The following NELL1 variants were observed in gnomAD, a reference collection of about 807,000 sequenced individuals.
The protein encoded by NELL1 is neural EGFL like 1.
In NELL1, 76 loss-of-function variants were observed where a neutral mutation model predicts 107.4. The ratio of observed to expected loss-of-function variants is 0.71; its 90% CI spans 0.59 to 0.86. NELL1 has a LOEUF of 0.86. Among genes scored for constraint, NELL1 ranks in the 40% least tolerant of loss-of-function variants. NELL1 has a pLI of 0.00. For missense variants in NELL1, 1,024 were observed against 1,005.5 expected (o/e 1.02, Z -0.25); for synonymous variants, 353 against 341.2 (o/e 1.03, Z -0.38).
At chr11:20,804,948 C>G (rs1049904392) in intron 3 of NELL1, among the ~76,000 whole-genome samples, 2 of 152,162 alleles carry the variant, frequency 1.3e-5, no homozygotes, top group Non-Finnish European at 2.9e-5. Flanking sequence ...CTTTACACAT[C>G]TGGGTGTTCC....
chr11:20,843,961 C>T (rs1265529768), intron 3 of NELL1, among the ~76,000 whole-genome samples: 1 of 152,084 alleles, frequency 6.6e-6, no homozygotes, highest in Non-Finnish European at 1.5e-5. Context: ...AAGGCCTGGG[C>T]TTACAGAATT....
intron 2 of NELL1, among the ~76,000 whole-genome samples, chr11:20,700,258 A>C (rs1339278736): frequency 6.6e-6 from 1 of 152,172 alleles, no homozygotes; most frequent in African/African-American, 2.4e-5. Context: ...AGGCAGGTGG[A>C]TCATGAGGTC....
At chr11:20,713,137 G>A (rs937053350) in intron 2 of NELL1, among the ~76,000 whole-genome samples, 2 of 152,226 alleles carry the variant, frequency 1.3e-5, no homozygotes, top group African/African-American at 4.8e-5. Context: ...AGCATCAGCT[G>A]TGGTAGTAGG....
chr11:20,818,125 T>C (rs1244948102), intron 3 of NELL1, among the ~76,000 whole-genome samples: 2 of 152,170 alleles, frequency 1.3e-5, no homozygotes, highest in African/African-American at 4.8e-5. Context: ...GTGTTGAATT[T>C]ATGTCTAGTA....
chr11:21,231,042 T>C (rs1858035360), intron 14 of NELL1, among the ~76,000 whole-genome samples: 1 of 152,174 alleles, frequency 6.6e-6, no homozygotes, highest in Non-Finnish European at 1.5e-5. Context: ...GCATATGAAT[T>C]TTATAGAGCA....
intron 15 of NELL1, among the ~76,000 whole-genome samples, chr11:21,401,949 T>G (rs1375210113): frequency 1.3e-5 from 2 of 151,794 alleles, no homozygotes; most frequent in Non-Finnish European, 2.9e-5. Context: ...AGAGAATATT[T>G]TTAAATACAG....
At chr11:21,521,229 T>C (rs75863832) in intron 15 of NELL1, among the ~76,000 whole-genome samples, 3 of 152,228 alleles carry the variant, frequency 2.0e-5, no homozygotes, top group African/African-American at 7.2e-5. Flanking sequence ...ATTTTATATT[T>C]TCCTTGTAGT....
intron 12 of NELL1, among the ~76,000 whole-genome samples, chr11:21,027,282 CTAGTT>C (rs60300243): frequency 0.26 from 36,861 of 140,742 alleles, 4,993 homozygotes; most frequent in East Asian, 0.48. Context: ...TGGGAAAAGC[CTAGTT>C]TAGTTTAGTT....
At chr11:21,228,245 A>G (rs553325307) in intron 13 of NELL1, among the ~76,000 whole-genome samples, 1 of 152,288 alleles carries the variant, frequency 6.6e-6, no homozygotes, top group South Asian at 2.1e-4. Context: ...GCTGAGTGTG[A>G]GAGGAAATTA....
At chr11:20,764,374 T>C (rs1343161771) in intron 2 of NELL1, among the ~76,000 whole-genome samples, 2 of 152,132 alleles carry the variant, frequency 1.3e-5, no homozygotes, top group African/African-American at 4.8e-5. Context: ...TTATAATCTA[T>C]GGCACTGTGG....
rs776671666 is a variant in NELL1, at chr11:20,920,971, A to T, written c.759+1637A>T. ...CCTTCCAAACAGTATATAGAATTAC[A>T]ATTTGAAAACTGAGTACTTCCATCT... On this transcript the variant is annotated intron_variant, in intron 7 of 19. Coordinates refer to ENST00000357134, the MANE Select transcript of NELL1 (RefSeq NM_006157.5). 5.5e-4 allele frequency among the ~76,000 whole-genome samples: 83 copies of T among 152,200 alleles called. 1 individual carries two copies. The highest frequency in any genetic ancestry group is 6.8e-3 in the Middle Eastern group (2 of 294).
At chr11:21,258,004 G>T (rs1017092308) in intron 14 of NELL1, among the ~76,000 whole-genome samples, 1 of 152,020 alleles carries the variant, frequency 6.6e-6, no homozygotes, top group South Asian at 2.1e-4. Context: ...TGGGAAGAGA[G>T]AAAGGACCAT....
chr11:20,908,567 A>G (rs1312651357), intron 5 of NELL1, among the ~76,000 whole-genome samples: 3 of 152,074 alleles, frequency 2.0e-5, no homozygotes, highest in African/African-American at 4.8e-5. Context: ...GGATGGGGGA[A>G]AGGGGAGGGA....
intron 10 of NELL1, among the ~76,000 whole-genome samples, chr11:20,947,014 T>C (rs1423200226): frequency 1.3e-5 from 2 of 150,782 alleles, no homozygotes; most frequent in African/African-American, 4.8e-5. Flanking sequence ...AATTAGGAAA[T>C]GTTATAAATT....
At chr11:21,242,296 C>T (rs1945331) in intron 14 of NELL1, among the ~76,000 whole-genome samples, 17,141 of 152,048 alleles carry the variant, frequency 0.11, 1,193 homozygotes, top group Non-Finnish European at 0.17. Flanking sequence ...TGTCTCTAAC[C>T]TCTTGGTTTT....
chr11:21,377,251 T>C (rs1385446497), intron 15 of NELL1, among the ~76,000 whole-genome samples: 3 of 152,110 alleles, frequency 2.0e-5, no homozygotes, highest in Non-Finnish European at 4.4e-5. Context: ...GTTTTCATCA[T>C]GAAGAGATAT....
At chr11:20,983,265 T>C (rs1280656038) in intron 12 of NELL1, among the ~76,000 whole-genome samples, 1 of 152,222 alleles carries the variant, frequency 6.6e-6, no homozygotes, top group Non-Finnish European at 1.5e-5. Context: ...CTTGGCTCGC[T>C]TTCCTTTCCT....
chr11:20,843,973 A>T, intron 3 of NELL1, among the ~76,000 whole-genome samples: 1 of 152,174 alleles, frequency 6.6e-6, no homozygotes, highest in South Asian at 2.1e-4. Context: ...TACAGAATTC[A>T]GCTAAGTAAA....
chr11:20,981,244 CTTTA>C (rs997866996), intron 12 of NELL1, among the ~76,000 whole-genome samples: 4 of 152,064 alleles, frequency 2.6e-5, no homozygotes, highest in African/African-American at 9.7e-5. Context: ...ATTTTGACAA[CTTTA>C]TTTATCAAAT....
Sources: gnomAD v4.1 joint callset for allele counts (sites outside exome capture counted in the v4.1 genomes callset) on GRCh38, gnomAD v4.1.1 for gene constraint, MANE v1.5 for transcripts, NCBI Gene and HGNC (gene_info 2026-07-23, HGNC 2026-07-21) for gene names.